The following NUDC variants were observed in gnomAD, a reference collection of about 807,000 sequenced individuals.
NUDC encodes nuclear distribution C, dynein complex regulator, also known as nuclear migration protein nudC.
In NUDC, 14 loss-of-function variants were observed where a neutral mutation model predicts 45.0. The observed-to-expected ratio is 0.31, with a 90% confidence interval of 0.21 to 0.49. The LOEUF (loss-of-function observed/expected upper bound fraction) is 0.49. Ranked by LOEUF, NUDC falls within the 20% of genes least tolerant of loss-of-function variation. The pLI is 0.99. For synonymous variants in NUDC, 153 were observed against 156.7 expected, an observed-to-expected ratio of 0.98 and a Z score of 0.17; for missense variants, 323 against 426.2, an observed-to-expected ratio of 0.76 and a Z score of 2.13.
intron 2 of NUDC, among the ~76,000 whole-genome samples, chr1:26,933,309 T>C (rs975200247): frequency 2.0e-5 from 3 of 152,200 alleles, no homozygotes; most frequent in African/African-American, 4.8e-5. Flanking sequence ...TTGTGCATAG[T>C]ACTTTTGTGA....
At chr1:26,937,779 A>C (rs1570740506) in intron 2 of NUDC, among the ~76,000 whole-genome samples, 1 of 151,552 alleles carries the variant, frequency 6.6e-6, no homozygotes, top group Admixed American at 6.6e-5. Context: ...CAGTCTCTCG[A>C]GTAGCTGGAA....
In NUDC at chr1:26,932,851, G is replaced by A. The variant is rs527548490; in HGVS notation, c.160-8606G>A. On this transcript the variant is annotated intron_variant, in intron 2 of 8. Transcript: ENST00000321265. ...AATCATACAATATGTATGTCTTTGT[G>A]ACTGGCTTATTTCGTTTAATGTAAT... Among the ~76,000 whole-genome samples, 8 of 152,220 alleles carry A rather than the reference G, an allele frequency of 5.3e-5. No homozygotes were observed. In the South Asian group the frequency reaches 1.7e-3, roughly 32 times the overall value.
intron 8 of NUDC, 100 bp from the exon 9 acceptor site, chr1:26,946,030 C>T: frequency 8.4e-7 from 1 of 1,193,684 alleles, no homozygotes; most frequent in Non-Finnish European, 1.3e-6. Context: ...CTTGGTGTTG[C>T]TGAGGTCTAA....
intron 6 of NUDC, among the ~76,000 whole-genome samples, chr1:26,944,675 G>C (rs951262000): frequency 2.0e-5 from 3 of 151,964 alleles, no homozygotes. Context: ...GGTGGTGGGC[G>C]CCTGTAATCC....
At chr1:26,938,358 A>G (rs1446560376) in intron 2 of NUDC, among the ~76,000 whole-genome samples, 2 of 152,114 alleles carry the variant, frequency 1.3e-5, no homozygotes, top group African/African-American at 2.4e-5. Flanking sequence ...TGGAGCTGGG[A>G]GAGGGGAGGG....
chr1:26,925,538 CAAAAAAAAA>C (rs71010305), intron 2 of NUDC, among the ~76,000 whole-genome samples: 1 of 43,360 alleles, frequency 2.3e-5, no homozygotes, highest in South Asian at 8.6e-4. Context: ...GACTCCGTCT[CAAAAAAAAA>C]AAAAAAAAAA....
In NUDC at chr1:26,941,565, A is replaced by C; in HGVS notation, c.268A>C (p.Arg90=). ...ERREKAERAA[R]LAKEAKSETS... ...GCGGGAGAAGGCGGAGCGGGCGGCC[A>C]GACTGGCCAAGGAAGCCAAGTCAGA... The change falls in exon 3 of 9, where the codon AGA becomes CGA. Residue 90 remains arginine, a synonymous_variant. Transcript: ENST00000321265. The C allele has an allele frequency of 6.2e-7, 1 of 1,611,534 alleles. No homozygotes were observed. The highest frequency in any genetic ancestry group is 2.2e-5 in the East Asian group (1 of 44,748).
At chr1:26,933,866 G>A (rs1261560756) in intron 2 of NUDC, among the ~76,000 whole-genome samples, 2 of 152,114 alleles carry the variant, frequency 1.3e-5, no homozygotes, top group Non-Finnish European at 2.9e-5. Context: ...AAAGAAAAGA[G>A]GATTACGGCT....
At chr1:26,912,533 T>A (rs1387453083) in intron 3 of NUDC, among the ~76,000 whole-genome samples, 12 of 152,168 alleles carry the variant, frequency 7.9e-5, no homozygotes, top group Admixed American at 5.2e-4. Context: ...GAGTATTTGC[T>A]ACTATTATTA....
At position 26,915,975 on chromosome 1, in the gene NUDC, ATCACTT is replaced by A. The variant is rs548709717; in HGVS notation, c.93+4743_93+4748del. Among the ~76,000 whole-genome samples, 230 of 152,262 alleles carry A rather than the reference ATCACTT, an allele frequency of 1.5e-3. 6 individuals carry two copies. In the South Asian group the frequency reaches 0.045, roughly 30 times the overall value. On this transcript the variant is annotated intron_variant, in intron 3 of 6. Coordinates refer to the NUDC transcript ENST00000435827. ...CACTTAGCTGAGTGACCTTGGGCAA[ATCACTT>A]TCTCTTTCTGTGCCTCAGTTTCCTC...
chr1:26,931,205 G>A (rs2082180527), intron 2 of NUDC, among the ~76,000 whole-genome samples: 1 of 149,640 alleles, frequency 6.7e-6, no homozygotes, highest in Non-Finnish European at 1.5e-5. Context: ...AGCCTCCCGA[G>A]TAGCTGGGAT....
At chr1:26,918,495 C>T (rs1444208249), upstream of NUDC, among the ~76,000 whole-genome samples, 1 of 151,550 alleles carries the variant, frequency 6.6e-6, no homozygotes, top group Non-Finnish European at 1.5e-5. Context: ...AGGCTGGTCT[C>T]GAACTCCTGA....
chr1:26,925,718 ATTTTTTT>A, intron 2 of NUDC, among the ~76,000 whole-genome samples: 1 of 126,872 alleles, frequency 7.9e-6, no homozygotes, highest in East Asian at 2.2e-4. Flanking sequence ...ATCATGAGGA[ATTTTTTT>A]TTTTTTTTTT....
intron 1 of NUDC, among the ~76,000 whole-genome samples, chr1:26,901,847 C>T (rs565893273): frequency 6.6e-6 from 1 of 152,070 alleles, no homozygotes; most frequent in African/African-American, 2.4e-5. Context: ...AATAAAGGGC[C>T]AAGCTCAGTG....
intron 3 of NUDC, chr1:26,913,481 C>G: frequency 6.2e-7 from 1 of 1,614,048 alleles, no homozygotes; most frequent in South Asian, 1.1e-5. Flanking sequence ...CAGAAGGACT[C>G]CAGACAGCAT....
upstream of NUDC, among the ~76,000 whole-genome samples, chr1:26,918,355 C>A (rs1176372992): frequency 6.6e-6 from 1 of 150,382 alleles, no homozygotes; most frequent in Non-Finnish European, 1.5e-5. Context: ...CTCACTGCAA[C>A]CTCCGCCTCC....
chr1:26,932,242 C>T (rs1263754536), intron 2 of NUDC, among the ~76,000 whole-genome samples: 1 of 150,768 alleles, frequency 6.6e-6, no homozygotes, highest in African/African-American at 2.4e-5. Context: ...AGTGGTGTGA[C>T]CTTGGCTCAC....
rs566929713 is a variant in NUDC, at chr1:26,941,360, T to C, written c.160-97T>C. 11 of 1,275,384 alleles carry C rather than the reference T, an allele frequency of 8.6e-6. No individual in the cohort carries two copies. The South Asian group carries it at 1.4e-4, about 16-fold the overall frequency. 79.0% of individuals were successfully genotyped at this position (1,275,384 alleles called of 1,614,324 possible). On this transcript the variant is annotated intron_variant, in intron 2 of 8. Transcript: ENST00000321265. ...AACCGAGTTTCTGGGTGCAGTGCTT[T>C]GCCCTTGCACCCAGCAGGTAGAGAG... is the stretch of plus-strand genomic sequence containing the variant.
chr1:26,903,779 G>A (rs2081990557), intron 2 of NUDC, among the ~76,000 whole-genome samples: 1 of 152,002 alleles, frequency 6.6e-6, no homozygotes, highest in African/African-American at 2.4e-5. Context: ...GGGAGGCCGA[G>A]GTGGGCGGAT....
Sources: allele counts gnomAD v4.1 joint callset (sites outside exome capture counted in the v4.1 genomes callset), GRCh38; gene constraint gnomAD v4.1.1; transcripts MANE v1.5; gene names NCBI Gene and HGNC (gene_info 2026-07-23, HGNC 2026-07-21).